The following TMEM63A variants were observed in gnomAD, a reference collection of about 807,000 sequenced individuals.
TMEM63A encodes transmembrane protein 63A, also known as mechanosensitive cation channel TMEM63A.
Under a neutral mutation model 100.6 loss-of-function variants are expected in TMEM63A, and 76 were observed. The ratio of observed to expected loss-of-function variants is 0.76; its 90% CI spans 0.63 to 0.91. The LOEUF (loss-of-function observed/expected upper bound fraction) is 0.91, where lower values mean the gene tolerates loss of function less well. TMEM63A is among the 40% of genes least tolerant of loss of function. TMEM63A has a pLI of 0.00. For missense variants in TMEM63A, 876 were observed against 1,008.8 expected (o/e 0.87, Z 1.78); for synonymous variants, 401 against 401.1 (o/e 1.00, Z 0.00).
intron 10 of TMEM63A, chr1:225,863,134 G>T: frequency 2.5e-6 from 1 of 393,102 alleles, no homozygotes; most frequent in Non-Finnish European, 4.8e-6. Context: ...GCTCACTGTA[G>T]CCTCAACCTT....
intron 15 of TMEM63A, 28 bp downstream of exon 15, chr1:225,859,168 G>A: frequency 6.2e-7 from 1 of 1,613,890 alleles, no homozygotes; most frequent in South Asian, 1.1e-5. Flanking sequence ...AGCTATCCTG[G>A]GAGGGGCCTT....
downstream of TMEM63A, chr1:225,845,381 C>A (rs201119273): frequency 8.0e-5 from 124 of 1,542,698 alleles, no homozygotes; most frequent in South Asian, 9.5e-5. Flanking sequence ...CACCTCCCCC[C>A]ACAAGTGCCC....
At chr1:225,863,242 T>C in intron 10 of TMEM63A, 1 of 236,780 alleles carries the variant, frequency 4.2e-6, no homozygotes, top group Non-Finnish European at 8.5e-6. Flanking sequence ...AGACGGGGTC[T>C]CGCTATGTTG....
At chr1:225,870,352 GAA>G (rs34918009) in intron 6 of TMEM63A, among the ~76,000 whole-genome samples, 1 of 141,016 alleles carries the variant, frequency 7.1e-6, no homozygotes. Flanking sequence ...AACTCGGTCT[GAA>G]AAAAAAAAAA....
intron 18 of TMEM63A, among the ~76,000 whole-genome samples, chr1:225,854,388 A>C (rs754083934): frequency 6.6e-6 from 1 of 152,156 alleles, no homozygotes; most frequent in Non-Finnish European, 1.5e-5. Context: ...TGTCATCCCC[A>C]TGTGGGATGA....
In TMEM63A at chr1:225,874,315, C is replaced by G; in HGVS notation, c.239G>C (p.Arg80Pro). The change falls in exon 4 of 25, where the codon CGC becomes CCC. Residue 80 changes from arginine to proline, a missense_variant. Around this residue, in one of 5 missense-constraint regions of TMEM63A, gnomAD observed 487 missense variants for 581.9 expected, o/e 0.84. Transcript: ENST00000366835. ...IIRRRFWDYGRIALVSEADSE... is the reference protein window; with the variant it reads ...IIRRRFWDYGPIALVSEADSE... ...GTCTGCTTCTGACACCAGGGCAATGCGGCCATAGTCCCAGAATCTTCTTCT... is the reference window on the plus strand; with the variant it reads ...GTCTGCTTCTGACACCAGGGCAATGGGGCCATAGTCCCAGAATCTTCTTCT... 1 of 1,614,014 alleles carries G rather than the reference C, an allele frequency of 6.2e-7. No individual in the cohort carries two copies. Among genetic ancestry groups the G allele is most frequent in the Non-Finnish European group, 8.5e-7 (1 of 1,180,004 alleles).
chr1:225,866,147 C>G, intron 9 of TMEM63A, 180 bp from the exon 10 acceptor site: 1 of 622,480 alleles, frequency 1.6e-6, no homozygotes, highest in Non-Finnish European at 2.8e-6. Flanking sequence ...CGTCTTCTTC[C>G]AGGCTGTACA....
chr1:225,847,036 A>C lies in TMEM63A; in HGVS notation c.*4T>G. ...GCCTGGCCCAGCCAGCAGCTCACCC[A>C]GCCTCAGGCCTCCTGGGGGGCAGCA... On this transcript the variant is annotated splice_region_variant and 3_prime_UTR_variant, in exon 24 of 25. Coordinates refer to ENST00000366835, the MANE Select transcript of TMEM63A (RefSeq NM_014698.3). The C allele has an allele frequency of 6.2e-7, 1 of 1,605,958 alleles. No homozygotes were observed. Among genetic ancestry groups the C allele is most frequent in the East Asian group, 2.2e-5 (1 of 44,738 alleles).
At chr1:225,845,331 T>G (rs1471825590), downstream of TMEM63A, 3 of 1,610,950 alleles carry the variant, frequency 1.9e-6, no homozygotes, top group South Asian at 3.3e-5. Context: ...TTCCTGTCGG[T>G]GCTGGAGCGG....
chr1:225,870,078 G>A (rs866898932), intron 6 of TMEM63A, among the ~76,000 whole-genome samples: 5 of 152,022 alleles, frequency 3.3e-5, no homozygotes, highest in South Asian at 2.1e-4. Context: ...GGCCGGGCGC[G>A]GTGGCTCATG....
intron 13 of TMEM63A, chr1:225,861,923 G>A (rs979338450): frequency 4.5e-6 from 2 of 442,000 alleles, no homozygotes; most frequent in South Asian, 2.9e-5. Context: ...CAACAGGATG[G>A]GTCCAGGGCA....
At chr1:225,876,657 G>T (rs61449378) in intron 3 of TMEM63A, among the ~76,000 whole-genome samples, 5,666 of 44,694 alleles carry the variant, frequency 0.13, 185 homozygotes, top group East Asian at 0.25. Context: ...TGTTTTTTTG[G>T]TTTTTTTTGA....
intron 15 of TMEM63A, among the ~76,000 whole-genome samples, chr1:225,858,182 G>C (rs1266089694): frequency 6.6e-6 from 1 of 152,160 alleles, no homozygotes; most frequent in Non-Finnish European, 1.5e-5. Flanking sequence ...ATAATCTAGG[G>C]AGATGGTTTG....
rs1009668 is a variant in TMEM63A at position 225,852,703 on chromosome 1, C to T, written c.1864G>A (p.Val622Met). The change falls in exon 20 of 25, where the codon GTG becomes ATG. Residue 622 changes from valine to methionine, a missense_variant. By Grantham distance (21) the Val-to-Met change is conservative. Coordinates refer to ENST00000366835, the MANE Select transcript of TMEM63A (RefSeq NM_014698.3). ...ATGGGACAAGTGATGCTGTAGGCCA[C>T]GATGACAGTGAAGACACACAGCATC... The part of the protein sequence containing the change: ...AWMLCVFTVI[V>M]AYSITCPIIA... 172,934 of 1,613,466 alleles carry T rather than the reference C, an allele frequency of 0.11. 10,960 individuals carry two copies. Among genetic ancestry groups the T allele is most frequent in the Admixed American group, 0.24 (14,412 of 59,998 alleles).
In TMEM63A at chr1:225,853,564, T is replaced by G. The variant is rs1201564826; in HGVS notation, c.1797+65A>C. 2.5e-5 allele frequency: 36 copies of G among 1,446,076 alleles called. No homozygotes were observed. The highest frequency in any genetic ancestry group is 3.2e-5 in the Non-Finnish European group (35 of 1,088,510). The allele number at this position is 1,446,076 out of a possible 1,614,324, so 89.6% of individuals were successfully genotyped here. The stretch of plus-strand genomic sequence containing the variant: ...TGGGGGTAGTGGGGGTGAGAGGCCC[T>G]CGGGTCAGTGAAGGGGGACATGGGA... On this transcript the variant is annotated intron_variant, in intron 19 of 24. Coordinates refer to ENST00000366835, the MANE Select transcript of TMEM63A (RefSeq NM_014698.3). This position sits in a 1 kb window ranked among gnomAD's most constrained non-coding sequence, Gnocchi z 4.0.
intron 19 of TMEM63A, 46 bp from the exon 20 acceptor site, chr1:225,852,815 A>G: frequency 6.4e-7 from 1 of 1,551,290 alleles, no homozygotes; most frequent in Non-Finnish European, 8.9e-7. Flanking sequence ...GTTCCACCTC[A>G]AACACCCTTT....
intron 2 of TMEM63A, among the ~76,000 whole-genome samples, chr1:225,878,573 G>C (rs1296146398): frequency 6.6e-6 from 1 of 152,186 alleles, no homozygotes; most frequent in East Asian, 1.9e-4. Context: ...TGACACCAGA[G>C]GACCGGGAGT....
chr1:225,870,637 C>T (rs12097377), intron 6 of TMEM63A, among the ~76,000 whole-genome samples: 5,597 of 152,258 alleles, frequency 0.037, 321 homozygotes, highest in African/African-American at 0.13. Context: ...CCTATGAGAG[C>T]GTCCATTGAC....
rs758572598 is a variant in TMEM63A, at chr1:225,877,410, G to A, written c.171C>T (p.Asp57=). The change falls in exon 3 of 25, where the codon GAC becomes GAT. Residue 57 remains aspartate (D), a synonymous_variant. Coordinates refer to ENST00000366835, the MANE Select transcript of TMEM63A (RefSeq NM_014698.3). ...GGGCTCTCACCAGGAAGCAGCTGAC[G>A]TCTATGAGCAGGACAGTGGGGATGC... ...FGGIPTVLLI[D]VSCFLFLILV... 37 of 1,613,012 alleles carry A rather than the reference G, an allele frequency of 2.3e-5. No individual in the cohort carries two copies. Among genetic ancestry groups the A allele is most frequent in the Non-Finnish European group, 2.5e-5 (29 of 1,179,216 alleles).
Sources: gnomAD v4.1 joint callset for allele counts (sites outside exome capture counted in the v4.1 genomes callset) on GRCh38, gnomAD v4.1.1 for gene constraint, gnomAD v4.1.1 regional missense constraint, Gnocchi (gnomAD v3.1) non-coding constraint, MANE v1.5 for transcripts, NCBI Gene and HGNC (gene_info 2026-07-23, HGNC 2026-07-21) for gene names.